MAP2K1: variants seen among roughly 807,000 people sequenced by gnomAD.
MAP2K1 encodes mitogen-activated protein kinase kinase 1.
Under a neutral mutation model 46.3 loss-of-function variants are expected in MAP2K1, and 16 were observed. The ratio of observed to expected loss-of-function variants is 0.35; its 90% CI spans 0.23 to 0.52. The LOEUF (loss-of-function observed/expected upper bound fraction) is 0.52. MAP2K1 is among the 20% of genes least tolerant of loss of function. The pLI is 0.94. For missense variants in MAP2K1, 263 were observed against 497.1 expected (o/e 0.53, Z 4.48); for synonymous variants, 183 against 185.6 (o/e 0.99, Z 0.11).
chr15:66,448,991 G>T (rs1891954256), intron 5 of MAP2K1, among the ~76,000 whole-genome samples: 1 of 106,016 alleles, frequency 9.4e-6, no homozygotes, highest in Non-Finnish European at 1.7e-5. Context: ...GCAACAGTGT[G>T]AGACACTGTC....
At chr15:66,465,696 C>A (rs570475042) in intron 5 of MAP2K1, among the ~76,000 whole-genome samples, 61 of 152,158 alleles carry the variant, frequency 4.0e-4, no homozygotes, top group South Asian at 8.3e-4. Context: ...TCAAAAACAA[C>A]AACAACAACA....
intron 5 of MAP2K1, among the ~76,000 whole-genome samples, chr15:66,475,355 T>A (rs1369521821): frequency 1.3e-5 from 2 of 152,210 alleles, no homozygotes; most frequent in East Asian, 1.9e-4. Flanking sequence ...TGCCTTTTTT[T>A]AAAATCCTTT....
At position 66,490,912 on chromosome 15, in the gene MAP2K1, A is replaced by G. The variant is rs1427040419; in HGVS notation, c.*297A>G. 1 of 492,196 alleles carries G rather than the reference A, an allele frequency of 2.0e-6. No individual in the cohort carries two copies. The highest frequency in any genetic ancestry group is 3.7e-6 in the Non-Finnish European group (1 of 267,604). The allele number at this position is 492,196 out of a possible 1,614,324, so 30.5% of individuals were successfully genotyped here. On this transcript the variant is annotated 3_prime_UTR_variant, in exon 11 of 11. Transcript: ENST00000307102. The stretch of plus-strand genomic sequence containing the variant: ...CAGTGAAATTTTGGTGAATGTGGGT[A>G]GTCATTCTTACAATTGCACTGCTGT...
At chr15:66,461,476 CTAAATAAATAAATAAATAAA>C (rs10641341) in intron 5 of MAP2K1, among the ~76,000 whole-genome samples, 18 of 140,134 alleles carry the variant, frequency 1.3e-4, no homozygotes, top group African/African-American at 4.2e-4. Flanking sequence ...GACTCTGTCT[CTAAATAAATAAATAAATAAA>C]TAAATAAATA....
At chr15:66,442,804 G>A (rs1210746659) in intron 3 of MAP2K1, among the ~76,000 whole-genome samples, 1 of 152,180 alleles carries the variant, frequency 6.6e-6, no homozygotes, top group African/African-American at 2.4e-5. Context: ...CAAAATGTCT[G>A]ACTGACTGGC....
intron 6 of MAP2K1, among the ~76,000 whole-genome samples, chr15:66,483,108 T>A (rs1892951539): frequency 6.6e-6 from 1 of 152,204 alleles, no homozygotes; most frequent in African/African-American, 2.4e-5. Context: ...GAGCCAGGAT[T>A]GAAAGCTAGC....
intron 1 of MAP2K1, among the ~76,000 whole-genome samples, chr15:66,428,472 C>T (rs752969165): frequency 1.3e-5 from 2 of 152,122 alleles, no homozygotes; most frequent in Non-Finnish European, 2.9e-5. Flanking sequence ...AGGCTACCAG[C>T]AGAATTCCTT....
At chr15:66,471,670 G>C (rs1344095419) in intron 5 of MAP2K1, among the ~76,000 whole-genome samples, 1 of 145,738 alleles carries the variant, frequency 6.9e-6, no homozygotes, top group Non-Finnish European at 1.5e-5. Context: ...TTTTTTTTTT[G>C]TATCAGCTAA....
At chr15:66,421,077 T>C (rs886106958) in intron 1 of MAP2K1, among the ~76,000 whole-genome samples, 4 of 113,260 alleles carry the variant, frequency 3.5e-5, no homozygotes, top group Non-Finnish European at 5.1e-5. Flanking sequence ...CACACATATA[T>C]ACACATACAC....
chr15:66,447,613 C>T (rs937143559), intron 5 of MAP2K1, among the ~76,000 whole-genome samples: 2 of 151,056 alleles, frequency 1.3e-5, no homozygotes, highest in African/African-American at 4.9e-5. Flanking sequence ...ATTGTTTGAA[C>T]CTGGGGGGCG....
intron 1 of MAP2K1, among the ~76,000 whole-genome samples, chr15:66,396,850 A>G (rs2093368810): frequency 6.7e-6 from 1 of 149,510 alleles, no homozygotes. Context: ...ACTCCCAGCT[A>G]ATTTTTGTAT....
rs1437805160 is a variant in MAP2K1, at chr15:66,481,771, C to T, written c.585C>T (p.Asn195=). ...KIMHRDVKPS[N]ILVNSRGEIK... ...TCCCTGCAGATGTCAAGCCCTCCAA[C>T]ATCCTAGTCAACTCCCGTGGGGAGA... Residue 195 remains asparagine (N), a synonymous_variant, in exon 6 of 11, where the codon AAC becomes AAT. Transcript: ENST00000307102. 1.2e-6 allele frequency: 2 copies of T among 1,612,984 alleles called. No homozygotes were observed. The highest frequency in any genetic ancestry group is 3.3e-5 in the Admixed American group (2 of 60,002).
intron 5 of MAP2K1, among the ~76,000 whole-genome samples, chr15:66,448,106 T>C (rs1891922983): frequency 6.9e-6 from 1 of 145,984 alleles, no homozygotes; most frequent in Non-Finnish European, 1.5e-5. Context: ...TGAGCTGAGA[T>C]TGTGCCACTG....
chr15:66,463,395 T>A (rs1892379550), intron 5 of MAP2K1, among the ~76,000 whole-genome samples: 1 of 152,094 alleles, frequency 6.6e-6, no homozygotes, highest in African/African-American at 2.4e-5. Flanking sequence ...ATTTAGAAAG[T>A]TTATTTTGCC....
intron 1 of MAP2K1, among the ~76,000 whole-genome samples, chr15:66,391,543 A>G (rs1432968601): frequency 6.6e-6 from 1 of 152,142 alleles, no homozygotes; most frequent in Admixed American, 6.5e-5. Flanking sequence ...AAGTGCTGGG[A>G]TTACAGGCGT....
chr15:66,406,352 C>A (rs1204929125), intron 1 of MAP2K1, among the ~76,000 whole-genome samples: 1 of 152,142 alleles, frequency 6.6e-6, no homozygotes, highest in Non-Finnish European at 1.5e-5. Flanking sequence ...GAGTCATGTG[C>A]AAATGTCCTT....
chr15:66,410,749 G>A (rs2093409366), intron 1 of MAP2K1, among the ~76,000 whole-genome samples: 1 of 152,170 alleles, frequency 6.6e-6, no homozygotes, highest in Non-Finnish European at 1.5e-5. Flanking sequence ...GTCTGGGGTA[G>A]GTCTTAAGGG....
chr15:66,410,681 G>C (rs1295471737), intron 1 of MAP2K1, among the ~76,000 whole-genome samples: 1 of 152,112 alleles, frequency 6.6e-6, no homozygotes, highest in Non-Finnish European at 1.5e-5. Context: ...TAATGAATTT[G>C]GGGAGCCTTG....
intron 5 of MAP2K1, among the ~76,000 whole-genome samples, chr15:66,471,259 A>AT (rs1341514366): frequency 6.6e-6 from 1 of 152,034 alleles, no homozygotes; most frequent in East Asian, 1.9e-4. Context: ...TATTGGTTAT[A>AT]TTTTTTTCTG....
Sources: allele counts gnomAD v4.1 joint callset (sites outside exome capture counted in the v4.1 genomes callset), GRCh38; gene constraint gnomAD v4.1.1; transcripts MANE v1.5; gene names NCBI Gene and HGNC (gene_info 2026-07-23, HGNC 2026-07-21).